PTPRO: variants seen among roughly 807,000 people sequenced by gnomAD.
PTPRO encodes the protein receptor-type tyrosine-protein phosphatase O.
A neutral mutation model predicts 145.2 loss-of-function variants in PTPRO; 62 were observed. The observed-to-expected ratio is 0.43, with a 90% confidence interval of 0.35 to 0.53. PTPRO has a LOEUF of 0.53. Ranked by LOEUF, PTPRO falls within the 20% of genes least tolerant of loss-of-function variation. PTPRO has a pLI of 0.01. For synonymous variants in PTPRO, 565 were observed against 514.7 expected, an observed-to-expected ratio of 1.10 and a Z score of -1.32; for missense variants, 1,345 against 1,482.7, an observed-to-expected ratio of 0.91 and a Z score of 1.53.
rs565010789 is a variant in PTPRO at position 15,581,271 on chromosome 12, A to G, written c.3133-408A>G. ...GGCTTACAGAGAATTACATTCCTGG[A>G]ACAATGTTATGCGTTCTGAGTGCTT... is the stretch of plus-strand genomic sequence containing the variant. On this transcript the variant is annotated intron_variant, in intron 22 of 26. Coordinates refer to ENST00000281171, the MANE Select transcript of PTPRO (RefSeq NM_030667.3). Among the ~76,000 whole-genome samples the G allele has an allele frequency of 2.6e-5, 4 of 151,692 alleles. No homozygotes were observed. In the South Asian group the frequency reaches 6.3e-4, roughly 24 times the overall value.
intron 1 of PTPRO, chr12:15,410,782 A>G (rs1246867723): frequency 5.3e-5 from 8 of 152,234 alleles, no homozygotes; most frequent in Non-Finnish European, 8.8e-5. Context: ...AGGAAACCAC[A>G]GTGTCCTTAT....
At chr12:15,369,579 G>A (rs1938463096) in intron 1 of PTPRO, among the ~76,000 whole-genome samples, 1 of 151,926 alleles carries the variant, frequency 6.6e-6, no homozygotes, top group Non-Finnish European at 1.5e-5. Context: ...GATACCTAAC[G>A]TAAACTACAA....
chr12:15,390,458 C>T (rs1939156522), intron 1 of PTPRO, among the ~76,000 whole-genome samples: 1 of 152,052 alleles, frequency 6.6e-6, no homozygotes, highest in Admixed American at 6.6e-5. Flanking sequence ...CTTTATAAAA[C>T]CATCAGATCT....
chr12:15,416,635 T>C (rs1322749830), intron 1 of PTPRO, among the ~76,000 whole-genome samples: 1 of 151,400 alleles, frequency 6.6e-6, no homozygotes, highest in Non-Finnish European at 1.5e-5. Flanking sequence ...TCTCTCTTAA[T>C]TCAGTTTCCC....
At chr12:15,489,885 G>A (rs1941964839) in intron 2 of PTPRO, among the ~76,000 whole-genome samples, 2 of 152,136 alleles carry the variant, frequency 1.3e-5, no homozygotes, top group South Asian at 2.1e-4. Context: ...CCACAAGAAT[G>A]AAGAAAGGAA....
intron 9 of PTPRO, among the ~76,000 whole-genome samples, chr12:15,518,014 A>G (rs1164637207): frequency 7.2e-3 from 2 of 276 alleles, no homozygotes; most frequent in Non-Finnish European, 0.014. Context: ...CTCCAGCCCC[A>G]CATTTCCTTT....
chr12:15,578,957 T>C lies in PTPRO; in HGVS notation c.2920+14T>C. 6.5e-7 allele frequency: 1 copy of C among 1,545,836 alleles called. No homozygotes were observed. On this transcript the variant is annotated intron_variant, in intron 20 of 26. Transcript: ENST00000281171. ...ACATCCTACCATGTAAGATCGTCAA[T>C]TGTGCCAATAACACTCATGTCTTAA...
At chr12:15,437,211 G>T (rs1387489921) in intron 1 of PTPRO, among the ~76,000 whole-genome samples, 1 of 150,700 alleles carries the variant, frequency 6.6e-6, no homozygotes, top group Non-Finnish European at 1.5e-5. Context: ...TACCCTCCTT[G>T]TGCAAAGACT....
At chr12:15,392,320 C>T (rs529870555) in intron 1 of PTPRO, among the ~76,000 whole-genome samples, 9 of 152,184 alleles carry the variant, frequency 5.9e-5, no homozygotes, top group Non-Finnish European at 1.0e-4. Context: ...TATAATCAAC[C>T]TGCCACCAAC....
intron 1 of PTPRO, among the ~76,000 whole-genome samples, chr12:15,369,487 T>C (rs1431998056): frequency 1.3e-5 from 2 of 152,202 alleles, no homozygotes; most frequent in Non-Finnish European, 2.9e-5. Flanking sequence ...AATTTTACTT[T>C]CTTTGTAAGT....
chr12:15,405,406 T>C (rs1939619492), intron 1 of PTPRO, among the ~76,000 whole-genome samples: 1 of 152,192 alleles, frequency 6.6e-6, no homozygotes, highest in Non-Finnish European at 1.5e-5. Flanking sequence ...CAAACTTTTA[T>C]CATTTCAGTG....
At chr12:15,504,408 G>A (rs904634742) in intron 6 of PTPRO, among the ~76,000 whole-genome samples, 1 of 152,130 alleles carries the variant, frequency 6.6e-6, no homozygotes, top group Non-Finnish European at 1.5e-5. Context: ...AGCCCATAAC[G>A]AAATGATATT....
At chr12:15,364,955 AT>A (rs1938317744) in intron 1 of PTPRO, among the ~76,000 whole-genome samples, 1 of 152,116 alleles carries the variant, frequency 6.6e-6, no homozygotes, top group Non-Finnish European at 1.5e-5. Flanking sequence ...GCCATTTTTA[AT>A]GGGTTGATTG....
intron 9 of PTPRO, among the ~76,000 whole-genome samples, chr12:15,519,578 A>C (rs543691147): frequency 6.6e-6 from 1 of 152,338 alleles, no homozygotes; most frequent in Admixed American, 6.5e-5. Context: ...AGGAACACAA[A>C]GAGATTTCCC....
intron 2 of PTPRO, among the ~76,000 whole-genome samples, chr12:15,487,957 C>T (rs906771039): frequency 1.3e-5 from 2 of 152,168 alleles, no homozygotes; most frequent in Non-Finnish European, 2.9e-5. Context: ...TTCTTATCTG[C>T]TTCGATGTTG....
intron 4 of PTPRO, 116 bp from the exon 5 acceptor site, chr12:15,501,504 G>C (rs753719114): frequency 6.2e-6 from 6 of 971,136 alleles, no homozygotes; most frequent in Non-Finnish European, 9.4e-6. Flanking sequence ...TGTATCAGAA[G>C]TAAAATTAAA....
At chr12:15,380,131 T>C (rs1358931661) in intron 1 of PTPRO, among the ~76,000 whole-genome samples, 1 of 152,170 alleles carries the variant, frequency 6.6e-6, no homozygotes, top group South Asian at 2.1e-4. Flanking sequence ...ACTTGAATGT[T>C]CTCAGATCCT....
chr12:15,323,003 GA>G (rs775401657), intron 1 of PTPRO, among the ~76,000 whole-genome samples: 1 of 152,232 alleles, frequency 6.6e-6, no homozygotes, highest in Non-Finnish European at 1.5e-5. Context: ...GGGGCGGGGG[GA>G]AGAATAAGGG....
chr12:15,590,761 A>T (rs943507335), intron 25 of PTPRO, among the ~76,000 whole-genome samples: 1 of 152,192 alleles, frequency 6.6e-6, no homozygotes, highest in Non-Finnish European at 1.5e-5. Context: ...AGCAAGTCCA[A>T]TTGGTTTCCT....
Sources: allele counts gnomAD v4.1 joint callset (sites outside exome capture counted in the v4.1 genomes callset), GRCh38; gene constraint gnomAD v4.1.1; transcripts MANE v1.5; gene names NCBI Gene and HGNC (gene_info 2026-07-23, HGNC 2026-07-21).